ADGRL3: variants seen among roughly 807,000 people sequenced by gnomAD.
The protein encoded by ADGRL3 is calcium-independent alpha-latrotoxin receptor 3.
ADGRL3 carries 62 observed loss-of-function variants against 153.5 expected under a neutral mutation model. That is an observed-to-expected ratio of 0.40 (90% CI 0.33 to 0.50). The LOEUF (loss-of-function observed/expected upper bound fraction) is 0.50, where lower values mean the gene tolerates loss of function less well. ADGRL3 is among the 20% of genes least tolerant of loss of function. The probability of loss-of-function intolerance (pLI) is 0.47; values close to 1 mark genes in which losing one functional copy is unlikely to be tolerated. For synonymous variants in ADGRL3, 710 were observed against 672.5 expected (o/e 1.06, Z -0.86); for missense variants, 1,641 against 1,859.4 (o/e 0.88, Z 2.16).
chr4:61,518,617 T>C (rs1168323038), intron 4 of ADGRL3, among the ~76,000 whole-genome samples: 1 of 152,184 alleles, frequency 6.6e-6, no homozygotes, highest in Non-Finnish European at 1.5e-5. Context: ...AGTAAGAGCA[T>C]GTGTAACTTT....
At position 61,857,006 on chromosome 4, in the gene ADGRL3, T is replaced by TTCTTTCTTTCTTTCTTTCTC. The variant is rs796589157; in HGVS notation, c.1481-35640_1481-35639insTTTCTTTCTCTCTTTCTTTC. 2.4e-3 allele frequency among the ~76,000 whole-genome samples: 272 copies of TTCTTTCTTTCTTTCTTTCTC among 112,722 alleles called. 9 individuals are homozygous for TTCTTTCTTTCTTTCTTTCTC. Among genetic ancestry groups the TTCTTTCTTTCTTTCTTTCTC allele is most frequent in the Middle Eastern group, 0.01 (2 of 200 alleles). 74.0% of individuals were successfully genotyped at this position (112,722 alleles called of 152,430 possible). ...TTTCTTTCTTTCTTTCTTTCTTTCTTTCTTTCTTTCCTTCCTCCCTTCCTT... is the reference window on the plus strand; with the variant it reads ...TTTCTTTCTTTCTTTCTTTCTTTCTTTCTTTCTTTCTTTCTTTCTCTCTTTCTTTCCTTCCTCCCTTCCTT... On this transcript the variant is annotated intron_variant, in intron 9 of 26. Coordinates refer to ENST00000683033, the MANE Select transcript of ADGRL3 (RefSeq NM_001387552.1).
intron 5 of ADGRL3, among the ~76,000 whole-genome samples, chr4:61,655,397 T>C (rs1002978455): frequency 2.0e-5 from 3 of 152,148 alleles, no homozygotes; most frequent in Admixed American, 2.0e-4. Flanking sequence ...CAAAAGTATA[T>C]ATATAAATTT....
At chr4:61,443,238 A>G (rs533166538) in intron 2 of ADGRL3, among the ~76,000 whole-genome samples, 1 of 152,266 alleles carries the variant, frequency 6.6e-6, no homozygotes, top group South Asian at 2.1e-4. Context: ...ATACATAGCT[A>G]TGTTCTTTGC....
chr4:61,618,595 T>C (rs2092252880), intron 5 of ADGRL3, among the ~76,000 whole-genome samples: 1 of 152,178 alleles, frequency 6.6e-6, no homozygotes, highest in Admixed American at 6.5e-5. Flanking sequence ...TTATCTTAGC[T>C]TTACTTGATC....
intron 4 of ADGRL3, among the ~76,000 whole-genome samples, chr4:61,540,112 C>T (rs1307172453): frequency 6.6e-6 from 1 of 152,194 alleles, no homozygotes; most frequent in East Asian, 1.9e-4. Flanking sequence ...GTAAGTACCA[C>T]TACTACCCCT....
Position 61,998,071 on chromosome 4 carries a change from G to A in ADGRL3, c.3304-103G>A, listed in dbSNP as rs1211994028. ...ACGATCCAATTCCTTTAAAAGTGTAGTGAGACCTAATTTCCCAGAACAACT... is the reference window on the plus strand; with the variant it reads ...ACGATCCAATTCCTTTAAAAGTGTAATGAGACCTAATTTCCCAGAACAACT... On this transcript the variant is annotated intron_variant, in intron 20 of 26. Transcript: ENST00000683033. 8.0e-6 allele frequency: 4 copies of A among 501,822 alleles called. No homozygotes were observed. The East Asian group carries it at 9.7e-5, about 12-fold the overall frequency. The allele number at this position is 501,822 out of a possible 1,614,324, so 31.1% of individuals were successfully genotyped here.
intron 17 of ADGRL3, among the ~76,000 whole-genome samples, chr4:61,950,597 C>A (rs1023480836): frequency 6.6e-6 from 1 of 152,108 alleles, no homozygotes; most frequent in Non-Finnish European, 1.5e-5. Flanking sequence ...ATTGGGGAAA[C>A]AAGAATTGCA....
At chr4:61,444,587 C>T (rs539530898) in intron 2 of ADGRL3, among the ~76,000 whole-genome samples, 1 of 152,134 alleles carries the variant, frequency 6.6e-6, no homozygotes, top group East Asian at 1.9e-4. Flanking sequence ...CCTCTTCTCC[C>T]ATGCTCTGTT....
chr4:61,679,615 T>G (rs1209809312), intron 6 of ADGRL3, among the ~76,000 whole-genome samples: 1 of 152,094 alleles, frequency 6.6e-6, no homozygotes, highest in Non-Finnish European at 1.5e-5. Context: ...ACATGGATAG[T>G]GTTTACATGC....
chr4:61,823,294 A>G (rs1295882966), intron 9 of ADGRL3, among the ~76,000 whole-genome samples: 1 of 152,224 alleles, frequency 6.6e-6, no homozygotes. Context: ...TAAATATCAC[A>G]AGTTTTGACA....
Position 61,517,307 on chromosome 4 carries a change from C to T in ADGRL3, c.56-8C>T. ...GGGGTCTGATGGTGCGCCCTGCGGT[C>T]CCCGCAGGTGGCAAGCACAGTGAAC... is the stretch of plus-strand genomic sequence containing the variant. On this transcript the variant is annotated splice_region_variant and splice_polypyrimidine_tract_variant and intron_variant, in intron 3 of 26. Transcript: ENST00000683033. 1 of 702,340 alleles carries T rather than the reference C, an allele frequency of 1.4e-6. No homozygotes were observed. Among genetic ancestry groups the T allele is most frequent in the Non-Finnish European group, 2.6e-6 (1 of 385,042 alleles). 43.5% of individuals were successfully genotyped at this position (702,340 alleles called of 1,614,324 possible).
chr4:61,404,254 T>C (rs896419424), intron 2 of ADGRL3, among the ~76,000 whole-genome samples: 2 of 152,040 alleles, frequency 1.3e-5, no homozygotes, highest in Admixed American at 6.6e-5. Context: ...TACATTATAA[T>C]TATAAATAAT....
At chr4:61,326,598 A>AAT (rs1294829717) in intron 1 of ADGRL3, among the ~76,000 whole-genome samples, 1 of 133,304 alleles carries the variant, frequency 7.5e-6, no homozygotes. Context: ...TATGCCAGAT[A>AAT]ATGTGTGTGT....
chr4:61,746,877 T>C (rs2151992918), intron 8 of ADGRL3, among the ~76,000 whole-genome samples: 1 of 151,386 alleles, frequency 6.6e-6, no homozygotes. Context: ...CTGAAGGAAA[T>C]AGAGACACAA....
intron 2 of ADGRL3, among the ~76,000 whole-genome samples, chr4:61,408,069 C>CA (rs2097026863): frequency 2.0e-5 from 3 of 151,544 alleles, no homozygotes; most frequent in African/African-American, 7.3e-5. Flanking sequence ...TGGAGCCACG[C>CA]GAGGGAAGAG....
At position 61,257,465 on chromosome 4, in the gene ADGRL3, A is replaced by G. The variant is rs1255321970; in HGVS notation, c.-240+55700A>G. On this transcript the variant is annotated intron_variant, in intron 1 of 26. Transcript: ENST00000683033. ...AAACCACAATAATCCTTTGGTAGCA[A>G]GTATATGTTGTGTGGGCCAGTGAAC... 4.6e-5 allele frequency among the ~76,000 whole-genome samples: 7 copies of G among 152,274 alleles called. No individual in the cohort carries two copies. The East Asian group carries it at 1.4e-3, about 29-fold the overall frequency.
At chr4:61,508,891 G>A (rs866992705) in intron 3 of ADGRL3, among the ~76,000 whole-genome samples, 10 of 152,094 alleles carry the variant, frequency 6.6e-5, no homozygotes, top group South Asian at 2.1e-4. Context: ...GGAGGCAAGA[G>A]CACTTCTTAT....
intron 6 of ADGRL3, among the ~76,000 whole-genome samples, chr4:61,681,103 TTTC>T (rs1049351702): frequency 2.0e-5 from 3 of 152,092 alleles, no homozygotes; most frequent in Non-Finnish European, 2.9e-5. Context: ...TTCTTCCATC[TTTC>T]TTCTTCTTCT....
At chr4:61,298,356 G>T (rs1177036783) in intron 1 of ADGRL3, among the ~76,000 whole-genome samples, 2 of 152,138 alleles carry the variant, frequency 1.3e-5, no homozygotes, top group Non-Finnish European at 2.9e-5. Context: ...GGTCCCTCTA[G>T]TTGGGCAATT....
Sources: allele counts gnomAD v4.1 joint callset (sites outside exome capture counted in the v4.1 genomes callset), GRCh38; gene constraint gnomAD v4.1.1; transcripts MANE v1.5; gene names NCBI Gene and HGNC (gene_info 2026-07-23, HGNC 2026-07-21).